Variants in SEMA5A observed in about 807,000 individuals in gnomAD.
The protein encoded by SEMA5A is semaphorin 5A.
A neutral mutation model predicts 135.5 loss-of-function variants in SEMA5A; 55 were observed. The ratio of observed to expected loss-of-function variants is 0.41; its 90% CI spans 0.33 to 0.51. SEMA5A has a LOEUF of 0.51. Ranked by LOEUF, SEMA5A falls within the 20% of genes least tolerant of loss-of-function variation. The pLI, the probability that SEMA5A is intolerant of heterozygous loss-of-function variation, is 0.37. For synonymous variants in SEMA5A, 580 were observed against 546.5 expected (o/e 1.06, Z -0.85); for missense variants, 1,290 against 1,419.9 (o/e 0.91, Z 1.47).
At chr5:9,141,575 A>C (rs1415705837) in intron 12 of SEMA5A, among the ~76,000 whole-genome samples, 1 of 152,184 alleles carries the variant, frequency 6.6e-6, no homozygotes, top group African/African-American at 2.4e-5. Context: ...TTTCAAAAAC[A>C]CACTTATTGA....
At chr5:9,388,680 A>G (rs1428485097) in intron 2 of SEMA5A, among the ~76,000 whole-genome samples, 2 of 152,088 alleles carry the variant, frequency 1.3e-5, no homozygotes, top group African/African-American at 2.4e-5. Flanking sequence ...TGGGCGGATC[A>G]TGAGGTCAGA....
chr5:9,416,926 C>T (rs1410324439), intron 2 of SEMA5A, among the ~76,000 whole-genome samples: 1 of 152,046 alleles, frequency 6.6e-6, no homozygotes, highest in East Asian at 1.9e-4. Flanking sequence ...CTGCTTTACA[C>T]TGAAAAAAAG....
At chr5:9,203,189 T>C (rs1306699633) in intron 8 of SEMA5A, among the ~76,000 whole-genome samples, 1 of 152,234 alleles carries the variant, frequency 6.6e-6, no homozygotes, top group Non-Finnish European at 1.5e-5. Context: ...CACAAGGTTT[T>C]ATTCTTCGCT....
intron 11 of SEMA5A, among the ~76,000 whole-genome samples, chr5:9,176,260 G>A (rs1173398060): frequency 6.6e-6 from 1 of 152,174 alleles, no homozygotes; most frequent in African/African-American, 2.4e-5. Flanking sequence ...GGGTATGGGT[G>A]GAAAGCTGCA....
At chr5:9,462,198 A>C (rs1436280977) in intron 1 of SEMA5A, among the ~76,000 whole-genome samples, 6 of 152,226 alleles carry the variant, frequency 3.9e-5, no homozygotes, top group Non-Finnish European at 8.8e-5. Context: ...GAAGACATAC[A>C]CGCAGCCAAA....
chr5:9,224,842 G>A lies in SEMA5A; in HGVS notation c.478C>T (p.Arg160Cys), dbSNP rs778243642. ...EIHDQISGMARCPYSPQHNST... is the reference protein window; with the variant it reads ...EIHDQISGMACCPYSPQHNST... ...TTGTGCTGGGGACTGTAGGGACAGC[G>A]GGCCATGCCACTGATCTGATCATGG... The change falls in exon 8 of 23, where the codon CGC becomes TGC. Residue 160 changes from arginine to cysteine, a missense_variant. This residue lies in a region of SEMA5A where 145 missense variants were observed against 212.0 expected (regional missense o/e 0.68). Coordinates refer to ENST00000382496, the MANE Select transcript of SEMA5A (RefSeq NM_003966.3). 5.6e-6 allele frequency: 9 copies of A among 1,613,854 alleles called. No individual in the cohort carries two copies. Among genetic ancestry groups the A allele is most frequent in the Non-Finnish European group, 7.6e-6 (9 of 1,179,898 alleles).
At chr5:9,367,040 C>T (rs1459678926) in intron 3 of SEMA5A, among the ~76,000 whole-genome samples, 1 of 152,180 alleles carries the variant, frequency 6.6e-6, no homozygotes, top group African/African-American at 2.4e-5. Flanking sequence ...GCACATGAGT[C>T]TCTGAGCAGA....
At chr5:9,051,753 G>C in intron 20 of SEMA5A, 120 bp downstream of exon 20, 1 of 1,229,084 alleles carries the variant, frequency 8.1e-7, no homozygotes, top group South Asian at 1.4e-5. Flanking sequence ...AAACCATGGG[G>C]CTTGATGGAA....
chr5:9,526,769 C>A (rs1220492124), intron 1 of SEMA5A, among the ~76,000 whole-genome samples: 1 of 152,160 alleles, frequency 6.6e-6, no homozygotes, highest in African/African-American at 2.4e-5. Flanking sequence ...TGGAAATTGC[C>A]TTAGCACTGT....
intron 15 of SEMA5A, 109 bp downstream of exon 15, chr5:9,118,889 C>A (rs566941852): frequency 7.4e-7 from 1 of 1,359,104 alleles, no homozygotes; most frequent in Admixed American, 2.6e-5. Flanking sequence ...GAAAGGGATG[C>A]CACACATAAG....
At chr5:9,522,191 G>A (rs465107) in intron 1 of SEMA5A, among the ~76,000 whole-genome samples, 129,835 of 152,194 alleles carry the variant, frequency 0.85, 55,896 homozygotes, top group African/African-American at 0.96. Context: ...AGGCAAGATC[G>A]GGCTAATGTA....
chr5:9,455,367 T>C (rs1758794933), intron 1 of SEMA5A, among the ~76,000 whole-genome samples: 2 of 152,066 alleles, frequency 1.3e-5, no homozygotes, highest in Non-Finnish European at 2.9e-5. Context: ...GCCATTCTCC[T>C]GCCCCAGCCT....
chr5:9,238,683 A>T (rs1748041516), intron 5 of SEMA5A, among the ~76,000 whole-genome samples: 1 of 151,298 alleles, frequency 6.6e-6, no homozygotes, highest in Admixed American at 6.6e-5. Flanking sequence ...TTTTGCGCAA[A>T]TTGAGGCACC....
chr5:9,301,328 C>G (rs529864677), intron 5 of SEMA5A, among the ~76,000 whole-genome samples: 1 of 152,196 alleles, frequency 6.6e-6, no homozygotes, highest in Non-Finnish European at 1.5e-5. Context: ...AAATGTGCAA[C>G]GTCATTGAAA....
At chr5:9,509,926 T>C (rs954972746) in intron 1 of SEMA5A, among the ~76,000 whole-genome samples, 2 of 152,112 alleles carry the variant, frequency 1.3e-5, no homozygotes, top group Non-Finnish European at 2.9e-5. Context: ...AAACAAAAAG[T>C]ATATAAACTA....
intron 11 of SEMA5A, among the ~76,000 whole-genome samples, chr5:9,171,027 C>T (rs1229737488): frequency 2.6e-5 from 4 of 152,218 alleles, no homozygotes; most frequent in African/African-American, 9.6e-5. Context: ...AATTCCTCTG[C>T]TATCCTCCTG....
At chr5:9,454,168 G>C (rs1483528318) in intron 1 of SEMA5A, among the ~76,000 whole-genome samples, 1 of 152,222 alleles carries the variant, frequency 6.6e-6, no homozygotes, top group Admixed American at 6.5e-5. Flanking sequence ...ACAGGCATCA[G>C]GGACGACAGG....
intron 16 of SEMA5A, among the ~76,000 whole-genome samples, chr5:9,097,696 A>C (rs1739396177): frequency 6.6e-6 from 1 of 151,682 alleles, no homozygotes; most frequent in African/African-American, 2.4e-5. Context: ...GGAGAGTGTT[A>C]CTCTCACTCA....
intron 1 of SEMA5A, among the ~76,000 whole-genome samples, chr5:9,447,111 G>A (rs1354177754): frequency 1.3e-5 from 2 of 152,212 alleles, no homozygotes; most frequent in Non-Finnish European, 2.9e-5. Flanking sequence ...CCTAAAAACA[G>A]AACAGGCAGT....
Sources: allele counts gnomAD v4.1 joint callset (sites outside exome capture counted in the v4.1 genomes callset), GRCh38; gene constraint gnomAD v4.1.1; regional missense constraint gnomAD v4.1.1; transcripts MANE v1.5; gene names NCBI Gene and HGNC (gene_info 2026-07-23, HGNC 2026-07-21).